Variants in FREM3 observed in about 807,000 individuals in gnomAD.
The protein encoded by FREM3 is FRAS1-related extracellular matrix protein 3.
FREM3 carries 105 observed loss-of-function variants against 129.1 expected under a neutral mutation model. That is an observed-to-expected ratio of 0.81 (90% CI 0.69 to 0.96). The LOEUF (loss-of-function observed/expected upper bound fraction) is 0.96, where lower values mean the gene tolerates loss of function less well. Ranked by LOEUF, FREM3 falls within the 40% of genes least tolerant of loss-of-function variation. The pLI is 0.00. For synonymous variants in FREM3, 1,014 were observed against 1,044.9 expected, an observed-to-expected ratio of 0.97 and a Z score of 0.57; for missense variants, 2,593 against 2,666.3, an observed-to-expected ratio of 0.97 and a Z score of 0.61.
intron 6 of FREM3, among the ~76,000 whole-genome samples, chr4:143,603,369 T>C (rs1738608284): frequency 6.6e-6 from 1 of 152,204 alleles, no homozygotes. Context: ...TTAAAATGAT[T>C]TTGATACATT....
chr4:143,676,809 A>C (rs188281125), intron 2 of FREM3, among the ~76,000 whole-genome samples: 11,081 of 152,248 alleles, frequency 0.073, 1,080 homozygotes, highest in African/African-American at 0.21. Context: ...CAAAGAGAAT[A>C]AAATACCTAA....
At position 143,699,452 on chromosome 4, in the gene FREM3, C is replaced by A. The variant is rs1175524976; in HGVS notation, c.1224G>T (p.Val408=). 6.5e-7 allele frequency: 1 copy of A among 1,537,296 alleles called. No individual in the cohort carries two copies. Residue 408 remains valine, a synonymous_variant, in exon 1 of 8, where the codon GTG becomes GTT. Coordinates refer to ENST00000329798, the MANE Select transcript of FREM3 (RefSeq NM_001168235.2). This position sits in a 1 kb window ranked among gnomAD's most constrained non-coding sequence, Gnocchi z 4.2. The stretch of plus-strand genomic sequence containing the variant: ...CTGAGGCGGCGCCGTCTCCGTCCAC[C>A]ACCTCCAGCTCCAGCTGAAAGAGGC... ...GERLFQLELE[V]VDGDGAASDP...
chr4:143,688,089 G>A lies in FREM3; in HGVS notation c.5275+5024C>T, dbSNP rs539628128. 7.9e-5 allele frequency among the ~76,000 whole-genome samples: 12 copies of A among 152,196 alleles called. No homozygotes were observed. In the East Asian group the frequency reaches 1.9e-3, roughly 25 times the overall value. On this transcript the variant is annotated intron_variant, in intron 2 of 7. Coordinates refer to ENST00000329798, the MANE Select transcript of FREM3 (RefSeq NM_001168235.2). ...AGTCAAACTGTCACTGTTTGCTGAC[G>A]CTATGATCATTTACCTTGAAAACCC...
chr4:143,602,656 G>GT (rs1201598522), intron 6 of FREM3, among the ~76,000 whole-genome samples: 1 of 152,088 alleles, frequency 6.6e-6, no homozygotes, highest in Non-Finnish European at 1.5e-5. Flanking sequence ...AGATTGAGCT[G>GT]TTTTAGGGCA....
intron 4 of FREM3, among the ~76,000 whole-genome samples, chr4:143,622,520 A>G (rs1738969825): frequency 6.7e-6 from 1 of 150,214 alleles, no homozygotes; most frequent in African/African-American, 2.5e-5. Context: ...TCCTGCCTAC[A>G]TTAGCTTCAG....
intron 2 of FREM3, among the ~76,000 whole-genome samples, chr4:143,681,085 G>T (rs184673366): frequency 6.6e-6 from 1 of 152,098 alleles, no homozygotes. Flanking sequence ...GTCTTAATAG[G>T]ATAGTTAAAT....
chr4:143,660,673 G>C (rs1348289491), intron 2 of FREM3, among the ~76,000 whole-genome samples: 3 of 152,056 alleles, frequency 2.0e-5, no homozygotes, highest in Non-Finnish European at 4.4e-5. Context: ...ATTACCTTGG[G>C]CAGTATGGCC....
At position 143,698,479 on chromosome 4, in the gene FREM3, G is replaced by T; in HGVS notation, c.2197C>A (p.Gln733Lys). The change falls in exon 1 of 8, where the codon CAG becomes AAG. Residue 733 changes from glutamine (Q) to lysine (K), a missense_variant. Around this residue, in one of 2 missense-constraint regions of FREM3, gnomAD observed 2,276 missense variants for 2,267.2 expected, o/e 1.00. Transcript: ENST00000329798. ...FQKNFLRYID[Q>K]DSDDQNLWYT... ...CATAGGTTCTGGTCATCAGAGTCCT[G>T]GTCAATGTATCGGAGGAAATTCTTC... 1.3e-6 allele frequency: 2 copies of T among 1,537,746 alleles called. No individual in the cohort carries two copies. The highest frequency in any genetic ancestry group is 1.7e-6 in the Non-Finnish European group (2 of 1,147,034).
At chr4:143,613,433 G>T (rs1560844686) in intron 5 of FREM3, among the ~76,000 whole-genome samples, 2 of 152,158 alleles carry the variant, frequency 1.3e-5, no homozygotes, top group East Asian at 1.9e-4. Context: ...ACCAGGATAG[G>T]CTGGCTCTTG....
At chr4:143,594,844 G>T (rs539774257) in intron 6 of FREM3, among the ~76,000 whole-genome samples, 32 of 152,334 alleles carry the variant, frequency 2.1e-4, no homozygotes, top group African/African-American at 7.7e-4. Context: ...TAGCACAGAA[G>T]AGTTTCCAAG....
rs1443040066 is a variant in FREM3 at position 143,700,050 on chromosome 4, C to T, written c.626G>A (p.Arg209Gln). ...KSGATATRRC[R>Q]LTPLPHEDGP... ...GTCCTCGTGAGGAAGTGGGGTAAGCCGGCACCTGCGGGTGGCCGTGGCTCC... is the reference window on the plus strand; with the variant it reads ...GTCCTCGTGAGGAAGTGGGGTAAGCTGGCACCTGCGGGTGGCCGTGGCTCC... Residue 209 changes from arginine (R) to glutamine (Q), a missense_variant, in exon 1 of 8, where the codon CGG becomes CAG. Physicochemically the swap from Arg to Gln is conservative, Grantham distance 43. This residue lies in a region of FREM3 where 2,276 missense variants were observed against 2,267.2 expected (regional missense o/e 1.00). Coordinates refer to ENST00000329798, the MANE Select transcript of FREM3 (RefSeq NM_001168235.2). The T allele has an allele frequency of 2.0e-6, 3 of 1,520,554 alleles. No homozygotes were observed. The highest frequency in any genetic ancestry group is 2.6e-6 in the Non-Finnish European group (3 of 1,136,094). 94.2% of individuals were successfully genotyped at this position (1,520,554 alleles called of 1,614,324 possible). A position where few individuals can be genotyped will look rare whatever the true frequency, so the allele number is the denominator to read the frequency against.
chr4:143,620,365 G>A (rs1309471878), intron 5 of FREM3, among the ~76,000 whole-genome samples: 2 of 152,172 alleles, frequency 1.3e-5, no homozygotes, highest in Admixed American at 6.5e-5. Context: ...ATACTACAGC[G>A]AGCTCTAAAT....
At chr4:143,666,843 A>G (rs1739871728) in intron 2 of FREM3, among the ~76,000 whole-genome samples, 1 of 152,168 alleles carries the variant, frequency 6.6e-6, no homozygotes, top group South Asian at 2.1e-4. Context: ...ACTGAATTGT[A>G]TACCTAAGAA....
chr4:143,697,645 C>G lies in FREM3; in HGVS notation c.3031G>C (p.Asp1011His). 6.5e-7 allele frequency: 1 copy of G among 1,537,860 alleles called. No individual in the cohort carries two copies. Among genetic ancestry groups the G allele is most frequent in the East Asian group, 2.4e-5 (1 of 40,916 alleles). The change falls in exon 1 of 8, where the codon GAT becomes CAT. Residue 1011 changes from aspartate (D) to histidine (H), a missense_variant. This residue lies in a region of FREM3 where 2,276 missense variants were observed against 2,267.2 expected (regional missense o/e 1.00). Coordinates refer to ENST00000329798, the MANE Select transcript of FREM3 (RefSeq NM_001168235.2). The stretch of plus-strand genomic sequence containing the variant: ...TAGGCTACTCTCCCATTGATGAGAT[C>G]CTCTTGGGTGAATCGTTCTGTGGGC... ...GLPTERFTQE[D>H]LINGRVAYAH...
chr4:143,591,108 G>A (rs551019991), intron 6 of FREM3, among the ~76,000 whole-genome samples: 20 of 152,070 alleles, frequency 1.3e-4, no homozygotes, highest in East Asian at 7.7e-4. Context: ...TTTTTATTGC[G>A]TCTATTTGAT....
At chr4:143,669,004 C>T (rs1425344926) in intron 2 of FREM3, among the ~76,000 whole-genome samples, 1 of 152,166 alleles carries the variant, frequency 6.6e-6, no homozygotes, top group Non-Finnish European at 1.5e-5. Flanking sequence ...TGAAGAATGT[C>T]TGTCTTCTGT....
rs1396748695 is a variant in FREM3 at position 143,624,314 on chromosome 4, G to A, written c.5447C>T (p.Ala1816Val). The A allele has an allele frequency of 2.0e-6, 3 of 1,536,266 alleles. No homozygotes were observed. The African/African-American group carries it at 4.1e-5, about 21-fold the overall frequency. Residue 1816 changes from alanine (A) to valine (V), a missense_variant, in exon 4 of 8, where the codon GCA (alanine) becomes GTA (valine). Transcript: ENST00000329798. ...FISIGTKDET[A>V]KKDKDFKWKT... ...CCATTTGAAATCTTTGTCTTTTTTTGCAGTTTCATCTTTGGTACCAATGCC... is the reference window on the plus strand; with the variant it reads ...CCATTTGAAATCTTTGTCTTTTTTTACAGTTTCATCTTTGGTACCAATGCC...
intron 2 of FREM3, among the ~76,000 whole-genome samples, chr4:143,683,816 TG>T (rs971027083): frequency 6.6e-6 from 1 of 152,150 alleles, no homozygotes; most frequent in Non-Finnish European, 1.5e-5. Flanking sequence ...GGGGCTGTTG[TG>T]GGGGGCATGG....
In FREM3 at chr4:143,584,939, A is replaced by G. The variant is rs533059874; in HGVS notation, c.6178+905T>C. ...TATACCATCCACACTCTCAGATTAT[A>G]TAACAATAAAAATAGAAACCAATAC... On this transcript the variant is annotated intron_variant, in intron 7 of 7. Coordinates refer to ENST00000329798, the MANE Select transcript of FREM3 (RefSeq NM_001168235.2). Among the ~76,000 whole-genome samples, 3 of 152,360 alleles carry G rather than the reference A, an allele frequency of 2.0e-5. No individual in the cohort carries two copies. The South Asian group carries it at 6.2e-4, about 32-fold the overall frequency.
Sources: gnomAD v4.1 joint callset for allele counts (sites outside exome capture counted in the v4.1 genomes callset) on GRCh38, gnomAD v4.1.1 for gene constraint, gnomAD v4.1.1 regional missense constraint, Gnocchi (gnomAD v3.1) non-coding constraint, MANE v1.5 for transcripts, NCBI Gene and HGNC (gene_info 2026-07-23, HGNC 2026-07-21) for gene names.